Variants in AGMO observed in about 807,000 individuals in gnomAD.
The protein encoded by AGMO is glyceryl-ether monooxygenase.
In AGMO, 75 loss-of-function variants were observed where a neutral mutation model predicts 60.2. The observed-to-expected ratio is 1.25, with a 90% CI of 1.03 to 1.51. AGMO has a LOEUF of 1.51. Ranked by LOEUF, AGMO falls within the 40% of genes most tolerant of loss-of-function variation. The pLI, the probability that AGMO is intolerant of heterozygous loss-of-function variation, is 0.00. For missense variants in AGMO, 763 were observed against 525.5 expected (o/e 1.45, Z -4.42); for synonymous variants, 261 against 177.1 (o/e 1.47, Z -3.76).
intron 5 of AGMO, among the ~76,000 whole-genome samples, chr7:15,407,248 T>TATATATATATATAA (rs1443600734): frequency 2.0e-5 from 3 of 147,134 alleles, no homozygotes; most frequent in Non-Finnish European, 4.5e-5. Flanking sequence ...TATATATATA[T>TATATATATATATAA]ATGTATATAC....
intron 3 of AGMO, among the ~76,000 whole-genome samples, chr7:15,481,789 A>ATTTTTTTTT (rs5882513): frequency 2.0e-5 from 2 of 98,698 alleles, no homozygotes; most frequent in Non-Finnish European, 4.1e-5. Flanking sequence ...GACTAAATGT[A>ATTTTTTTTT]TTTTTTTTTT....
intron 3 of AGMO, among the ~76,000 whole-genome samples, chr7:15,498,910 T>C (rs1449612166): frequency 6.6e-6 from 1 of 151,964 alleles, no homozygotes; most frequent in Admixed American, 6.6e-5. Context: ...TTTTATTTGA[T>C]ATCTAATATG....
At chr7:15,191,345 G>C in the AGMO span, among the ~76,000 whole-genome samples, 1 of 152,048 alleles carries the variant, frequency 6.6e-6, no homozygotes, top group African/African-American at 2.4e-5. Flanking sequence ...TTATATTTTA[G>C]GTTGCACATA....
intron 12 of AGMO, among the ~76,000 whole-genome samples, chr7:15,278,746 G>A (rs1783872757): frequency 6.6e-6 from 1 of 152,206 alleles, no homozygotes; most frequent in Non-Finnish European, 1.5e-5. Flanking sequence ...CTGGTCCAGG[G>A]CAGCCGGGGC....
At chr7:15,477,897 A>T (rs1782638817) in intron 3 of AGMO, among the ~76,000 whole-genome samples, 1 of 152,132 alleles carries the variant, frequency 6.6e-6, no homozygotes, top group African/African-American at 2.4e-5. Context: ...TACACAGCCA[A>T]CATTGATAAC....
chr7:15,525,677 C>G (rs1408467208), intron 3 of AGMO, among the ~76,000 whole-genome samples: 1 of 152,142 alleles, frequency 6.6e-6, no homozygotes, highest in Admixed American at 6.5e-5. Flanking sequence ...GACGGTAACA[C>G]CGTGGCCCTC....
chr7:15,340,813 T>C (rs1369260258), intron 12 of AGMO, among the ~76,000 whole-genome samples: 2 of 152,194 alleles, frequency 1.3e-5, no homozygotes, highest in African/African-American at 2.4e-5. Flanking sequence ...AAGGGAAATG[T>C]GGGGTTGGTG....
At chr7:15,423,019 A>C (rs1780966643) in intron 4 of AGMO, among the ~76,000 whole-genome samples, 1 of 152,226 alleles carries the variant, frequency 6.6e-6, no homozygotes, top group Non-Finnish European at 1.5e-5. Flanking sequence ...GCTGCTAAGC[A>C]AATGGCTAAA....
At chr7:15,491,224 C>T (rs550378260) in intron 3 of AGMO, among the ~76,000 whole-genome samples, 7 of 152,162 alleles carry the variant, frequency 4.6e-5, no homozygotes, top group South Asian at 2.1e-4. Flanking sequence ...ATGGTTTAGT[C>T]GAGGGGCTTG....
intron 12 of AGMO, among the ~76,000 whole-genome samples, chr7:15,363,957 A>G (rs1583460225): frequency 1.3e-5 from 2 of 152,094 alleles, no homozygotes; most frequent in African/African-American, 4.8e-5. Flanking sequence ...TATATTTCTG[A>G]ATTTTATTAA....
chr7:15,299,830 T>TACACACATACACAC (rs1554408739), intron 12 of AGMO, among the ~76,000 whole-genome samples: 1 of 48,196 alleles, frequency 2.1e-5, no homozygotes, highest in Non-Finnish European at 3.5e-5. Context: ...TCTGTCTACA[T>TACACACATACACAC]ACACACACAC....
chr7:15,299,886 C>G lies in AGMO; in HGVS notation c.1263+65628G>C, dbSNP rs7801356. Among the ~76,000 whole-genome samples the G allele has an allele frequency of 1.7e-4, 20 of 114,692 alleles. No homozygotes were observed. The East Asian group carries it at 2.1e-3, about 12-fold the overall frequency. 75.2% of individuals were successfully genotyped at this position (114,692 alleles called of 152,430 possible). On this transcript the variant is annotated intron_variant, in intron 12 of 12. Coordinates refer to ENST00000342526, the MANE Select transcript of AGMO (RefSeq NM_001004320.2). ...ACACACACACACACACACACACACA[C>G]AGTATGTTTTGTGTTCAACATATCC...
intron 3 of AGMO, among the ~76,000 whole-genome samples, chr7:15,473,374 G>A (rs74465942): frequency 2.6e-5 from 4 of 151,912 alleles, no homozygotes; most frequent in African/African-American, 9.7e-5. Flanking sequence ...TAGAAGAAAA[G>A]GGACTCCTCC....
chr7:15,377,365 C>G (rs1783496516), intron 10 of AGMO, among the ~76,000 whole-genome samples: 1 of 151,822 alleles, frequency 6.6e-6, no homozygotes, highest in African/African-American at 2.4e-5. Context: ...GTCAATATAT[C>G]TACATGAGTT....
At chr7:15,449,367 T>G (rs986128394) in intron 3 of AGMO, among the ~76,000 whole-genome samples, 4 of 150,598 alleles carry the variant, frequency 2.7e-5, no homozygotes, top group African/African-American at 9.8e-5. Context: ...TCTCTGTACA[T>G]GTATAAACAT....
chr7:15,209,684 G>T (rs931492908), intron 12 of AGMO, among the ~76,000 whole-genome samples: 1 of 152,104 alleles, frequency 6.6e-6, no homozygotes, highest in African/African-American at 2.4e-5. Context: ...ATAAACTGCA[G>T]GACCAGCCAT....
intron 12 of AGMO, among the ~76,000 whole-genome samples, chr7:15,292,817 G>C (rs28550906): frequency 0.016 from 2,265 of 143,920 alleles, 42 homozygotes; most frequent in African/African-American, 0.057. Flanking sequence ...GAGTGCAGTG[G>C]CGTGATCTCG....
chr7:15,473,940 T>C (rs182156264), intron 3 of AGMO, among the ~76,000 whole-genome samples: 5 of 152,136 alleles, frequency 3.3e-5, no homozygotes, highest in African/African-American at 1.2e-4. Context: ...AAGAGTGAGC[T>C]TCCATTCACA....
chr7:15,317,619 A>G (rs1780965621), intron 12 of AGMO, among the ~76,000 whole-genome samples: 1 of 152,100 alleles, frequency 6.6e-6, no homozygotes, highest in South Asian at 2.1e-4. Flanking sequence ...AGTGAACATG[A>G]ACGCATTATT....
Sources: allele counts gnomAD v4.1 joint callset (sites outside exome capture counted in the v4.1 genomes callset), GRCh38; gene constraint gnomAD v4.1.1; transcripts MANE v1.5; gene names NCBI Gene and HGNC (gene_info 2026-07-23, HGNC 2026-07-21).